Variants in MUC12 observed in about 807,000 individuals in gnomAD.
The protein encoded by MUC12 is mucin-12.
Under a neutral mutation model 230.8 loss-of-function variants are expected in MUC12, and 172 were observed. The ratio of observed to expected loss-of-function variants is 0.75; its 90% CI spans 0.66 to 0.85. The LOEUF is 0.85. Ranked by LOEUF, MUC12 falls within the 40% of genes least tolerant of loss-of-function variation. The probability of loss-of-function intolerance (pLI) is 0.00; values close to 1 mark genes in which losing one functional copy is unlikely to be tolerated. For synonymous variants in MUC12, 1,259 were observed against 2,401.9 expected (o/e 0.52, Z 13.91); for missense variants, 3,506 against 5,920.6 (o/e 0.59, Z 13.38).
At position 101,005,418 on chromosome 7, in the gene MUC12, C is replaced by T. The variant is rs774273850; in HGVS notation, c.14855C>T (p.Ser4952Phe). The T allele has an allele frequency of 1.1e-5, 17 of 1,537,850 alleles. No individual in the cohort carries two copies. The African/African-American group carries it at 2.1e-4, about 19-fold the overall frequency. Reference sequence around the variant, plus strand: ...TACACAACACTCTTTCCTGCGAGTTCCAGCACATCAGGCCTCACTGAGGAA... The same window carrying T: ...TACACAACACTCTTTCCTGCGAGTTTCAGCACATCAGGCCTCACTGAGGAA... ...PTYTTLFPAS[S>F]STSGLTEEST... is the part of the protein sequence containing the mutation. The change falls in exon 2 of 12, where the codon TCC becomes TTC. Residue 4952 changes from serine to phenylalanine, a missense_variant. By Grantham distance (155) the Ser-to-Phe change is radical. Coordinates refer to ENST00000536621, the MANE Select transcript of MUC12 (RefSeq NM_001164462.2).
rs776132658 is a variant in MUC12, at chr7:100,991,771, C to G, written c.1208C>G (p.Thr403Ser). ...CACACAAAATCTTCAACTCCTAGCA[C>G]CACAGCTGCCCTAGCACATACAAGC... ...TTHTKSSTPS[T>S]TAALAHTSYH... The change falls in exon 2 of 12, where the codon ACC becomes AGC. Residue 403 changes from threonine (T) to serine (S), a missense_variant. Transcript: ENST00000536621. 24 of 1,537,906 alleles carry G rather than the reference C, an allele frequency of 1.6e-5. No individual in the cohort carries two copies. The South Asian group carries it at 2.3e-4, about 14-fold the overall frequency.
At position 100,991,463 on chromosome 7, in the gene MUC12, A is replaced by C; in HGVS notation, c.900A>C (p.Lys300Asn). The C allele has an allele frequency of 6.5e-7, 1 of 1,537,720 alleles. No homozygotes were observed. The highest frequency in any genetic ancestry group is 8.7e-7 in the Non-Finnish European group (1 of 1,147,018). The change falls in exon 2 of 12, where the codon AAA becomes AAC. Residue 300 changes from lysine to asparagine, a missense_variant. Lys to Asn is a moderately conservative substitution (Grantham distance 94). Coordinates refer to ENST00000536621, the MANE Select transcript of MUC12 (RefSeq NM_001164462.2). ...CTGGTACCACATCAGCCTTTGTTAA[A>C]CTATCTACAACTTATCACAGCAGCC... ...APSGTTSAFV[K>N]LSTTYHSSPS...
In MUC12 at chr7:101,013,995, G is replaced by T. The variant is rs957585692; in HGVS notation, c.15721G>T (p.Gly5241Trp). The change falls in exon 9 of 12, where the codon GGG (glycine) becomes TGG (tryptophan). Residue 5241 changes from glycine to tryptophan, a missense_variant. Physicochemically the swap from Gly to Trp is radical, Grantham distance 184. Coordinates refer to ENST00000536621, the MANE Select transcript of MUC12 (RefSeq NM_001164462.2). ...IAKSLVYGIV[G>W]AVMAVLLLAL... is the part of the protein sequence containing the mutation. ...CAAGAGCCTCGTGTATGGGATCGTG[G>T]GGGCTGTGATGGCGGTGCTGCTGCT... 2 of 1,536,944 alleles carry T rather than the reference G, an allele frequency of 1.3e-6. No homozygotes were observed.
At position 100,991,763 on chromosome 7, in the gene MUC12, T is replaced by C. The variant is rs1562782312; in HGVS notation, c.1200T>C (p.Thr400=). The change falls in exon 2 of 12, where the codon ACT becomes ACC. Residue 400 remains threonine (T), a synonymous_variant. Coordinates refer to ENST00000536621, the MANE Select transcript of MUC12 (RefSeq NM_001164462.2). ...HGSTTHTKSS[T]PSTTAALAHT... is the part of the protein sequence containing the mutation. Reference sequence around the variant, plus strand: ...GCACAACACACACAAAATCTTCAACTCCTAGCACCACAGCTGCCCTAGCAC... The same window carrying C: ...GCACAACACACACAAAATCTTCAACCCCTAGCACCACAGCTGCCCTAGCAC... 1.7e-5 allele frequency: 26 copies of C among 1,537,810 alleles called. No individual in the cohort carries two copies. The highest frequency in any genetic ancestry group is 2.3e-5 in the Non-Finnish European group (26 of 1,147,076).
chr7:101,008,052 C>A (rs563643087), intron 3 of MUC12, among the ~76,000 whole-genome samples: 1 of 151,852 alleles, frequency 6.6e-6, no homozygotes, highest in Non-Finnish European at 1.5e-5. Context: ...GATCCACCCA[C>A]CTCGGTCTCC....
At position 100,992,645 on chromosome 7, in the gene MUC12, C is replaced by A; in HGVS notation, c.2082C>A (p.Gly694=). 1 of 1,537,474 alleles carries A rather than the reference C, an allele frequency of 6.5e-7. No homozygotes were observed. The highest frequency in any genetic ancestry group is 1.2e-5 in the South Asian group (1 of 84,060). The change falls in exon 2 of 12, where the codon GGC becomes GGA. Residue 694 remains glycine, a synonymous_variant. Coordinates refer to ENST00000536621, the MANE Select transcript of MUC12 (RefSeq NM_001164462.2). ...EESTTYHSSP[G]STQTMHFPES... ...CTACGACCTACCACAGCAGCCCGGG[C>A]TCAACTCAAACAATGCACTTCCCTG...
chr7:100,990,152 G>C (rs757041818), intron 1 of MUC12, among the ~76,000 whole-genome samples: 2 of 152,254 alleles, frequency 1.3e-5, no homozygotes, highest in Non-Finnish European at 2.9e-5. Context: ...TGGCCTGTCA[G>C]GAACCAGGAC....
chr7:101,005,714 A>G (rs978647427), intron 2 of MUC12, among the ~76,000 whole-genome samples, 195 bp downstream of exon 2: 2 of 152,012 alleles, frequency 1.3e-5, no homozygotes, highest in Admixed American at 6.6e-5. Flanking sequence ...CACATGTATG[A>G]TGACAATCTC....
rs1464065451 is a variant in MUC12, at chr7:101,004,762, C to T, written c.14199C>T (p.Gly4733=). 35 of 1,537,200 alleles carry T rather than the reference C, an allele frequency of 2.3e-5. No homozygotes were observed. The highest frequency in any genetic ancestry group is 2.7e-5 in the Non-Finnish European group (31 of 1,146,674). ...TAGCCAGCACTGCCACAACACCAGG[C>T]CTCAGTGCAAAATCTACCATCCTTT... is the stretch of plus-strand genomic sequence containing the variant. ...TTLASTATTP[G]LSAKSTILYS... Residue 4733 remains glycine, a synonymous_variant, in exon 2 of 12, where the codon GGC becomes GGT. Transcript: ENST00000536621.
At chr7:100,989,604 G>A (rs1793246572) in intron 1 of MUC12, among the ~76,000 whole-genome samples, 1 of 152,122 alleles carries the variant, frequency 6.6e-6, no homozygotes, top group South Asian at 2.1e-4. Context: ...AGGGTGGAAA[G>A]AGCAGGCAAT....
intron 1 of MUC12, among the ~76,000 whole-genome samples, chr7:100,989,060 T>C (rs989013278): frequency 6.6e-6 from 1 of 151,744 alleles, no homozygotes; most frequent in African/African-American, 2.4e-5. Flanking sequence ...TTTTTCTGTA[T>C]AAATTACCCA....
rs1343310233 is a variant in MUC12, at chr7:100,990,938, T to G, written c.375T>G (p.Pro125=). The stretch of plus-strand genomic sequence containing the variant: ...CCTCAATGGAAACAACAGCGTTACC[T>G]GGCAGTACCACAACAGCAGGCCTGA... ...TSASMETTAL[P]GSTTTAGLSE... The change falls in exon 2 of 12, where the codon CCT becomes CCG. Residue 125 remains proline, a synonymous_variant. Transcript: ENST00000536621. The G allele has an allele frequency of 6.5e-7, 1 of 1,537,756 alleles. No individual in the cohort carries two copies. The highest frequency in any genetic ancestry group is 1.4e-5 in the African/African-American group (1 of 72,998).
Position 100,995,771 on chromosome 7 carries a change from C to A in MUC12, c.5208C>A (p.Gly1736=), listed in dbSNP as rs529593592. 3 of 1,530,542 alleles carry A rather than the reference C, an allele frequency of 2.0e-6. No homozygotes were observed. The highest frequency in any genetic ancestry group is 1.7e-6 in the Non-Finnish European group (2 of 1,144,716). The allele number at this position is 1,530,542 out of a possible 1,614,324, so 94.8% of individuals were successfully genotyped here. ...THFSASSTTL[G]RSEESTTVHS... ...TTTCTGCCAGCTCCACAACCTTGGG[C>A]CGTAGTGAGGAATCGACAACAGTCC... The change falls in exon 2 of 12, where the codon GGC becomes GGA. Residue 1736 remains glycine (G), a synonymous_variant. Transcript: ENST00000536621.
intron 5 of MUC12, among the ~76,000 whole-genome samples, chr7:101,009,746 G>T (rs116332309): frequency 6.6e-6 from 1 of 152,098 alleles, no homozygotes; most frequent in African/African-American, 2.4e-5. Context: ...GGGAAGGGAA[G>T]GAGAGGCAGT....
Position 101,017,630 on chromosome 7 carries a change from G to C in MUC12, c.15933G>C (p.Arg5311=), listed in dbSNP as rs780420150. The part of the protein sequence containing the change: ...FGLENAYNNF[R]PTLETVDSGT... ...TTGAGAACGCCTACAACAACTTCCG[G>C]CCCACCCTGGAGACTGTTGACTCTG... Residue 5311 remains arginine, a synonymous_variant, in exon 11 of 12, where the codon CGG becomes CGC. Coordinates refer to ENST00000536621, the MANE Select transcript of MUC12 (RefSeq NM_001164462.2). 9 of 1,535,904 alleles carry C rather than the reference G, an allele frequency of 5.9e-6. No homozygotes were observed. Among genetic ancestry groups the C allele is most frequent in the African/African-American group, 1.4e-5 (1 of 72,850 alleles).
intron 1 of MUC12, 56 bp downstream of exon 1, chr7:100,969,745 A>C: frequency 1.3e-5 from 20 of 1,535,434 alleles, no homozygotes; most frequent in Non-Finnish European, 1.7e-5. Flanking sequence ...GTAATAGTAC[A>C]TGCCCCTGCC....
At chr7:100,974,612 G>A (rs928705708) in intron 1 of MUC12, among the ~76,000 whole-genome samples, 1 of 152,220 alleles carries the variant, frequency 6.6e-6, no homozygotes, top group Non-Finnish European at 1.5e-5. Context: ...TTGAGCTCAG[G>A]AGTTTGAGGC....
Position 100,989,096 on chromosome 7 carries a change from C to CTTTT in MUC12, c.68-1533_68-1532insTTTT, listed in dbSNP as rs201150884. 3.0e-4 allele frequency among the ~76,000 whole-genome samples: 40 copies of CTTTT among 135,012 alleles called. 4 individuals are homozygous for CTTTT. The highest frequency in any genetic ancestry group is 4.3e-4 in the East Asian group (2 of 4,684). The allele number at this position is 135,012 out of a possible 152,430, so 88.6% of individuals were successfully genotyped here. Reference sequence around the variant, plus strand: ...GTCTCTGGTATGTCTTCTTCCTCTTCTTCTTTTTTTTTTTTTTTTTTTGAG... The same window carrying CTTTT: ...GTCTCTGGTATGTCTTCTTCCTCTTCTTTTTTCTTTTTTTTTTTTTTTTTTTGAG... On this transcript the variant is annotated intron_variant, in intron 1 of 11. Coordinates refer to ENST00000536621, the MANE Select transcript of MUC12 (RefSeq NM_001164462.2).
In MUC12 at chr7:100,992,722, G is replaced by A. The variant is rs1354753544; in HGVS notation, c.2159G>A (p.Ser720Asn). ...RGEESTTSHS[S>N]TTHTISSAPS... ...GAAGAATCAACAACTTCCCACAGCA[G>A]CACAACACACACAATATCTTCAGCT... Residue 720 changes from serine (S) to asparagine (N), a missense_variant, in exon 2 of 12, where the codon AGC (serine) becomes AAC (asparagine). Coordinates refer to ENST00000536621, the MANE Select transcript of MUC12 (RefSeq NM_001164462.2). 4 of 1,536,044 alleles carry A rather than the reference G, an allele frequency of 2.6e-6. No individual in the cohort carries two copies. Among genetic ancestry groups the A allele is most frequent in the Admixed American group, 2.0e-5 (1 of 50,854 alleles).
Sources: allele counts gnomAD v4.1 joint callset (sites outside exome capture counted in the v4.1 genomes callset), GRCh38; gene constraint gnomAD v4.1.1; transcripts MANE v1.5; gene names NCBI Gene and HGNC (gene_info 2026-07-23, HGNC 2026-07-21).